POU5F2: variants seen among roughly 807,000 people sequenced by gnomAD.
POU5F2 encodes POU domain, class 5, transcription factor 2.
For missense variants in POU5F2, 401 were observed against 426.6 expected (o/e 0.94, Z 0.53); for synonymous variants, 191 against 178.7 (o/e 1.07, Z -0.55).
At position 93,737,995 on chromosome 5, in the gene POU5F2, T is replaced by A. The variant is rs140853955; in HGVS notation, c.*2582A>T. On this transcript the variant is annotated 3_prime_UTR_variant, in exon 1 of 1. Transcript: ENST00000606183. ...TGGACTTAATAAAAATTAAAGTCTG[T>A]CTGCATCAAAAGATACAGTCAAAAG... 6.5e-4 allele frequency: 274 copies of A among 420,546 alleles called. 1 individual carries two copies. Among genetic ancestry groups the A allele is most frequent in the African/African-American group, 5.5e-3 (261 of 47,848 alleles). 26.1% of individuals were successfully genotyped at this position (420,546 alleles called of 1,614,324 possible).
In POU5F2 at chr5:93,740,783, G is replaced by T. The variant is rs267600735; in HGVS notation, c.781C>A (p.Arg261Ser). Reference protein sequence around the residue: ...KDVVRVWFYNRSKMGSRPTND... With the variant: ...KDVVRVWFYNSSKMGSRPTND... ...GTTGGTCGACTGCCCATCTTGCTGC[G>T]GTTATAGAACCAAACTCGAACCACA... The change falls in exon 1 of 1, where the codon CGC becomes AGC. Residue 261 changes from arginine to serine, a missense_variant. Arg to Ser is a moderately radical substitution (Grantham distance 110). Coordinates refer to ENST00000606183, the MANE Select transcript of POU5F2 (RefSeq NM_153216.2). 1 of 1,612,382 alleles carries T rather than the reference G, an allele frequency of 6.2e-7. No individual in the cohort carries two copies. Among genetic ancestry groups the T allele is most frequent in the South Asian group, 1.1e-5 (1 of 90,868 alleles).
In POU5F2 at chr5:93,741,087, A is replaced by G. The variant is rs142976192; in HGVS notation, c.477T>C (p.Leu159=). 47 of 1,613,816 alleles carry G rather than the reference A, an allele frequency of 2.9e-5. No homozygotes were observed. The highest frequency in any genetic ancestry group is 3.8e-5 in the Non-Finnish European group (45 of 1,179,908). The change falls in exon 1 of 1, where the codon CTT becomes CTC. Residue 159 remains leucine, a synonymous_variant. Transcript: ENST00000606183. ...CGAAGCGGCAGATGGTCGTCTGGCTAAGCACCTTCCCAAACAGAGCTCCCA... is the reference window on the plus strand; with the variant it reads ...CGAAGCGGCAGATGGTCGTCTGGCTGAGCACCTTCCCAAACAGAGCTCCCA... The part of the protein sequence containing the change: ...IAVGALFGKV[L]SQTTICRFEA...
At position 93,733,741 on chromosome 5, in the gene POU5F2, A is replaced by C. The variant is rs1007848151; in HGVS notation, c.*6836T>G. On this transcript the variant is annotated 3_prime_UTR_variant, in exon 1 of 1. Coordinates refer to ENST00000606183, the MANE Select transcript of POU5F2 (RefSeq NM_153216.2). ...CGAAATTTCCTTAACTATCTTCCTA[A>C]GTTTTATTCTTTCAGTTTAGAATCA... 1 of 152,166 alleles carries C rather than the reference A, an allele frequency of 6.6e-6. No homozygotes were observed. Among genetic ancestry groups the C allele is most frequent in the Non-Finnish European group, 1.5e-5 (1 of 68,032 alleles). 9.4% of individuals were successfully genotyped at this position (152,166 alleles called of 1,614,324 possible).
Position 93,738,127 on chromosome 5 carries a change from A to G in POU5F2, c.*2450T>C, listed in dbSNP as rs1747613380. ...AGAAAAGACAAACAACCCAGTTTTAAAAATAGGCAAAGGACTTGAATAGAC... is the reference window on the plus strand; with the variant it reads ...AGAAAAGACAAACAACCCAGTTTTAGAAATAGGCAAAGGACTTGAATAGAC... On this transcript the variant is annotated 3_prime_UTR_variant, in exon 1 of 1. Coordinates refer to ENST00000606183, the MANE Select transcript of POU5F2 (RefSeq NM_153216.2). The G allele has an allele frequency of 4.6e-6, 1 of 216,168 alleles. No individual in the cohort carries two copies. Among genetic ancestry groups the G allele is most frequent in the East Asian group, 1.4e-4 (1 of 7,146 alleles). 13.4% of individuals were successfully genotyped at this position (216,168 alleles called of 1,614,324 possible).
chr5:93,741,107 C>A lies in POU5F2; in HGVS notation c.457G>T (p.Ala153Ser). ...SQADVGIAVG[A>S]LFGKVLSQTT... is the part of the protein sequence containing the mutation. ...TGGCTAAGCACCTTCCCAAACAGAG[C>A]TCCCACAGCGATCCCCACATCGGCC... The change falls in exon 1 of 1, where the codon GCT becomes TCT. Residue 153 changes from alanine to serine, a missense_variant. By Grantham distance (99) the Ala-to-Ser change is moderately conservative. Coordinates refer to ENST00000606183, the MANE Select transcript of POU5F2 (RefSeq NM_153216.2). The A allele has an allele frequency of 6.2e-7, 1 of 1,613,926 alleles. No homozygotes were observed. The highest frequency in any genetic ancestry group is 8.5e-7 in the Non-Finnish European group (1 of 1,179,908).
chr5:93,740,900 C>T lies in POU5F2; in HGVS notation c.664G>A (p.Gly222Arg), dbSNP rs745818915. Reference sequence around the variant, plus strand: ...TGGAAGAATTTCTCCAGGCTGTTTCCGATTCGTCGCTCTCTGCTTGCCCGT... The same window carrying T: ...TGGAAGAATTTCTCCAGGCTGTTTCTGATTCGTCGCTCTCTGCTTGCCCGT... Reference protein sequence around the residue: ...WRRASRERRIGNSLEKFFQRC... With the variant: ...WRRASRERRIRNSLEKFFQRC... The change falls in exon 1 of 1, where the codon GGA becomes AGA. Residue 222 changes from glycine (G) to arginine (R), a missense_variant. Coordinates refer to ENST00000606183, the MANE Select transcript of POU5F2 (RefSeq NM_153216.2). 9 of 1,613,822 alleles carry T rather than the reference C, an allele frequency of 5.6e-6. No homozygotes were observed. The highest frequency in any genetic ancestry group is 7.6e-6 in the Non-Finnish European group (9 of 1,179,900).
Position 93,741,469 on chromosome 5 carries a change from A to T in POU5F2, c.95T>A (p.Leu32Gln), listed in dbSNP as rs775262614. ...GGCCGCCTGGGTGCTCAACCAGGTC[A>T]GAGTGTCAACCCGCAGGGGCATCGG... ...RGPMPLRVDT[L>Q]TWLSTQAAPG... Residue 32 changes from leucine to glutamine, a missense_variant, in exon 1 of 1, where the codon CTG becomes CAG. Transcript: ENST00000606183. 7.4e-6 allele frequency: 12 copies of T among 1,613,510 alleles called. No homozygotes were observed. The highest frequency in any genetic ancestry group is 1.7e-4 in the Middle Eastern group (1 of 6,054).
At position 93,740,460 on chromosome 5, in the gene POU5F2, T is replaced by C. The variant is rs868378829; in HGVS notation, c.*117A>G. 3 of 1,150,424 alleles carry C rather than the reference T, an allele frequency of 2.6e-6. No individual in the cohort carries two copies. Among genetic ancestry groups the C allele is most frequent in the Non-Finnish European group, 2.5e-6 (2 of 812,626 alleles). The allele number at this position is 1,150,424 out of a possible 1,614,324, so 71.3% of individuals were successfully genotyped here. ...CCCTACTATGTATCCTTAACTTCTT[T>C]AGACAGTGAATGAGAAATTAATACT... is the stretch of plus-strand genomic sequence containing the variant. On this transcript the variant is annotated 3_prime_UTR_variant, in exon 1 of 1. Transcript: ENST00000606183.
rs1008475881 is a variant in POU5F2 at position 93,734,024 on chromosome 5, T to C, written c.*6553A>G. 1.3e-5 allele frequency: 2 copies of C among 152,176 alleles called. No homozygotes were observed. The highest frequency in any genetic ancestry group is 4.8e-5 in the African/African-American group (2 of 41,450). The allele number at this position is 152,176 out of a possible 1,614,324, so 9.4% of individuals were successfully genotyped here. A position where few individuals can be genotyped will look rare whatever the true frequency, so the allele number is the denominator to read the frequency against. ...TAAACAAGGATATACAGTATATCTC[T>C]TTCAAAAAAATTAAATTATCGAAAC... On this transcript the variant is annotated 3_prime_UTR_variant, in exon 1 of 1. Transcript: ENST00000606183.
chr5:93,733,784 C>T lies in POU5F2; in HGVS notation c.*6793G>A, dbSNP rs1746634177. Reference sequence around the variant, plus strand: ...TAGAATCACTTTGTCAAGGACATTTCCACTAGGTTTAATTGCAATGGTTTT... The same window carrying T: ...TAGAATCACTTTGTCAAGGACATTTTCACTAGGTTTAATTGCAATGGTTTT... On this transcript the variant is annotated 3_prime_UTR_variant, in exon 1 of 1. Coordinates refer to ENST00000606183, the MANE Select transcript of POU5F2 (RefSeq NM_153216.2). 6.6e-6 allele frequency: 1 copy of T among 152,142 alleles called. No homozygotes were observed. Among genetic ancestry groups the T allele is most frequent in the African/African-American group, 2.4e-5 (1 of 41,434 alleles). 9.4% of individuals were successfully genotyped at this position (152,142 alleles called of 1,614,324 possible).
chr5:93,741,187 A>T, the POU5F2 span: 21 of 1,613,732 alleles, frequency 1.3e-5, no homozygotes, highest in Non-Finnish European at 1.8e-5. Flanking sequence ...CAATTGCTGC[A>T]ACTCTTTCAG....
Position 93,739,086 on chromosome 5 carries a change from T to G in POU5F2, c.*1491A>C, listed in dbSNP as rs1397080694. The G allele has an allele frequency of 6.6e-6, 1 of 152,158 alleles. No individual in the cohort carries two copies. The highest frequency in any genetic ancestry group is 2.4e-5 in the African/African-American group (1 of 41,410). The allele number at this position is 152,158 out of a possible 1,614,324, so 9.4% of individuals were successfully genotyped here. ...GAGGTCAGAAGATCAGAGTTAACTC[T>G]CGATCTCTTGACCTTGTGATCTGCC... On this transcript the variant is annotated 3_prime_UTR_variant, in exon 1 of 1. Transcript: ENST00000606183.
In POU5F2 at chr5:93,740,537, C is replaced by T; in HGVS notation, c.*40G>A. ...CATTTCCTGGGTTTTCCCTTCTTCT[C>T]CCCTCTCCAACCGTGCCGTGAAGGG... On this transcript the variant is annotated 3_prime_UTR_variant, in exon 1 of 1. Coordinates refer to ENST00000606183, the MANE Select transcript of POU5F2 (RefSeq NM_153216.2). 6.5e-7 allele frequency: 1 copy of T among 1,539,792 alleles called. No homozygotes were observed. The highest frequency in any genetic ancestry group is 8.8e-7 in the Non-Finnish European group (1 of 1,141,986).
rs1239624617 is a variant in POU5F2, at chr5:93,736,327, T to G, written c.*4250A>C. 2.6e-5 allele frequency: 4 copies of G among 152,234 alleles called. No homozygotes were observed. The East Asian group carries it at 5.8e-4, about 22-fold the overall frequency. The allele number at this position is 152,234 out of a possible 1,614,324, so 9.4% of individuals were successfully genotyped here. On this transcript the variant is annotated 3_prime_UTR_variant, in exon 1 of 1. Coordinates refer to ENST00000606183, the MANE Select transcript of POU5F2 (RefSeq NM_153216.2). ...TCTGAAAACTAAAGTTGTTACAATT[T>G]GTTTATAATTAAGTAATCTTTTTAA...
rs1580968893 is a variant in POU5F2 at position 93,737,270 on chromosome 5, G to T, written c.*3307C>A. ...CTTGTACACTGAAAACTAAAACACT[G>T]CTCAAAGAAATTAAAGAAGACATAA... On this transcript the variant is annotated 3_prime_UTR_variant, in exon 1 of 1. Coordinates refer to ENST00000606183, the MANE Select transcript of POU5F2 (RefSeq NM_153216.2). The T allele has an allele frequency of 6.6e-6, 1 of 152,058 alleles. No homozygotes were observed. Among genetic ancestry groups the T allele is most frequent in the Non-Finnish European group, 1.5e-5 (1 of 67,998 alleles). 9.4% of individuals were successfully genotyped at this position (152,058 alleles called of 1,614,324 possible). A position where few individuals can be genotyped will look rare whatever the true frequency, so the allele number is the denominator to read the frequency against.
Position 93,737,905 on chromosome 5 carries a change from A to G in POU5F2, c.*2672T>C. ...ATTCATAGAAGAAAACACAGGAGCA[A>G]ATCTTCATGACTTTGCATTTGGCAA... On this transcript the variant is annotated 3_prime_UTR_variant, in exon 1 of 1. Coordinates refer to ENST00000606183, the MANE Select transcript of POU5F2 (RefSeq NM_153216.2). The G allele has an allele frequency of 2.2e-6, 1 of 448,600 alleles. No individual in the cohort carries two copies. The highest frequency in any genetic ancestry group is 1.6e-5 in the South Asian group (1 of 62,024). The allele number at this position is 448,600 out of a possible 1,614,324, so 27.8% of individuals were successfully genotyped here. A position where few individuals can be genotyped will look rare whatever the true frequency, so the allele number is the denominator to read the frequency against.
At position 93,740,923 on chromosome 5, in the gene POU5F2, C is replaced by T. The variant is rs1202203311; in HGVS notation, c.641G>A (p.Arg214Gln). 1 of 1,613,952 alleles carries T rather than the reference C, an allele frequency of 6.2e-7. No homozygotes were observed. Among genetic ancestry groups the T allele is most frequent in the Non-Finnish European group, 8.5e-7 (1 of 1,179,876 alleles). Residue 214 changes from arginine to glutamine, a missense_variant, in exon 1 of 1, where the codon CGG (arginine) becomes CAG (glutamine). Physicochemically the swap from Arg to Gln is conservative, Grantham distance 43 (BLOSUM62 1). Coordinates refer to ENST00000606183, the MANE Select transcript of POU5F2 (RefSeq NM_153216.2). ...TCCGATTCGTCGCTCTCTGCTTGCC[C>T]GTCTCCACTTCCCAGACTGTTGCAG... ...MILQQSGKWRRASRERRIGNS... is the reference protein window; with the variant it reads ...MILQQSGKWRQASRERRIGNS...
chr5:93,733,612 C>A lies in POU5F2; in HGVS notation c.*6965G>T, dbSNP rs1243184403. The A allele has an allele frequency of 1.3e-5, 2 of 152,116 alleles. No individual in the cohort carries two copies. The highest frequency in any genetic ancestry group is 3.9e-4 in the East Asian group (2 of 5,194). The allele number at this position is 152,116 out of a possible 1,614,324, so 9.4% of individuals were successfully genotyped here. A position where few individuals can be genotyped will look rare whatever the true frequency, so the allele number is the denominator to read the frequency against. ...ACCTAACAGCCTTTCATGAAGGTTG[C>A]ACCAATTCACTTTCCAATAAATAAA... On this transcript the variant is annotated 3_prime_UTR_variant, in exon 1 of 1. Coordinates refer to ENST00000606183, the MANE Select transcript of POU5F2 (RefSeq NM_153216.2).
rs533310854 is a variant in POU5F2, at chr5:93,733,908, T to C, written c.*6669A>G. The C allele has an allele frequency of 6.9e-4, 105 of 152,326 alleles. No individual in the cohort carries two copies. The highest frequency in any genetic ancestry group is 2.4e-3 in the African/African-American group (99 of 41,582). The allele number at this position is 152,326 out of a possible 1,614,324, so 9.4% of individuals were successfully genotyped here. A position where few individuals can be genotyped will look rare whatever the true frequency, so the allele number is the denominator to read the frequency against. On this transcript the variant is annotated 3_prime_UTR_variant, in exon 1 of 1. Transcript: ENST00000606183. Reference sequence around the variant, plus strand: ...TAGATTTTGCCAAGAAAACCAATACTGTTTAGTAGGCAAGACTATTTCTAG... The same window carrying C: ...TAGATTTTGCCAAGAAAACCAATACCGTTTAGTAGGCAAGACTATTTCTAG...
Sources: allele counts gnomAD v4.1 joint callset, GRCh38; gene constraint gnomAD v4.1.1; transcripts MANE v1.5; gene names NCBI Gene and HGNC (gene_info 2026-07-23, HGNC 2026-07-21).